The following UST variants were observed in gnomAD, a reference collection of about 807,000 sequenced individuals.
The protein encoded by UST is chondroitin sulfate 2-O-sulfotransferase.
Under a neutral mutation model 45.6 loss-of-function variants are expected in UST, and 21 were observed. The ratio of observed to expected loss-of-function variants is 0.46; its 90% CI spans 0.33 to 0.66. The LOEUF (loss-of-function observed/expected upper bound fraction) is 0.66. Ranked by LOEUF, UST falls within the 30% of genes least tolerant of loss-of-function variation. UST has a pLI of 0.02. For synonymous variants in UST, 215 were observed against 200.6 expected (o/e 1.07, Z -0.61); for missense variants, 463 against 512.4 (o/e 0.90, Z 0.93).
chr6:148,852,651 C>T (rs148802772), intron 1 of UST, among the ~76,000 whole-genome samples: 167 of 152,250 alleles, frequency 1.1e-3, no homozygotes, highest in African/African-American at 4.0e-3. Context: ...TTCACTTGGC[C>T]TGGAATGTCT....
intron 2 of UST, among the ~76,000 whole-genome samples, chr6:148,907,258 G>C (rs1389020420): frequency 6.6e-6 from 1 of 152,084 alleles, no homozygotes; most frequent in Admixed American, 6.6e-5. Flanking sequence ...GTTGTTTATT[G>C]AAAAGTACTG....
At chr6:148,813,206 T>G (rs1777291998) in intron 1 of UST, among the ~76,000 whole-genome samples, 1 of 152,168 alleles carries the variant, frequency 6.6e-6, no homozygotes, top group Admixed American at 6.5e-5. Context: ...AAAATTCCAG[T>G]AAGTGCCCTC....
chr6:148,980,943 T>G (rs1219678087), intron 5 of UST, among the ~76,000 whole-genome samples: 3 of 152,088 alleles, frequency 2.0e-5, no homozygotes, highest in Non-Finnish European at 4.4e-5. Context: ...CAGGCTGGTC[T>G]CAAACTCCTA....
intron 1 of UST, among the ~76,000 whole-genome samples, chr6:148,807,427 G>T (rs931282326): frequency 1.3e-5 from 2 of 152,156 alleles, no homozygotes; most frequent in African/African-American, 4.8e-5. Flanking sequence ...CAACCATGTG[G>T]TCATTAACAA....
chr6:148,811,648 A>G (rs950740213), intron 1 of UST, among the ~76,000 whole-genome samples: 3 of 152,164 alleles, frequency 2.0e-5, no homozygotes, highest in Admixed American at 1.3e-4. Flanking sequence ...GCTCACCCAC[A>G]TGGATAGCAG....
At chr6:148,922,188 A>G (rs543716589) in intron 2 of UST, among the ~76,000 whole-genome samples, 2 of 152,264 alleles carry the variant, frequency 1.3e-5, no homozygotes, top group African/African-American at 4.8e-5. Flanking sequence ...ACCACTGTCC[A>G]ATTCAAAGCA....
intron 4 of UST, 22 bp downstream of exon 4, chr6:148,953,973 T>C: frequency 6.4e-7 from 1 of 1,564,356 alleles, no homozygotes; most frequent in Non-Finnish European, 8.7e-7. Flanking sequence ...TCCAGTTTAA[T>C]GGTTCTTTCA....
intron 1 of UST, among the ~76,000 whole-genome samples, chr6:148,803,985 G>A (rs556216772): frequency 3.5e-4 from 53 of 152,278 alleles, no homozygotes; most frequent in African/African-American, 1.2e-3. Context: ...CACTTCGTGC[G>A]GCCAGAGAAT....
intron 2 of UST, among the ~76,000 whole-genome samples, chr6:148,919,810 G>T (rs1779666280): frequency 6.6e-6 from 1 of 152,084 alleles, no homozygotes; most frequent in African/African-American, 2.4e-5. Context: ...GACTTTCCAG[G>T]GTGTTGCCAG....
rs536808249 is a variant in UST, at chr6:148,915,359, G to C, written c.292-25920G>C. ...GTGTATGTCTTCCATGCTTAAGATT[G>C]CCTCATGTTCCAAAATGGCCCCTGG... On this transcript the variant is annotated intron_variant, in intron 2 of 7. Coordinates refer to ENST00000367463, the MANE Select transcript of UST (RefSeq NM_005715.3). 5.9e-5 allele frequency among the ~76,000 whole-genome samples: 9 copies of C among 152,188 alleles called. No homozygotes were observed. In the South Asian group the frequency reaches 1.7e-3, roughly 28 times the overall value.
chr6:148,906,477 A>G (rs1452649091), intron 2 of UST, among the ~76,000 whole-genome samples: 1 of 152,216 alleles, frequency 6.6e-6, no homozygotes, highest in Admixed American at 6.5e-5. Flanking sequence ...TGGACAAGGT[A>G]TGAGGGTTAT....
chr6:148,758,419 A>G (rs756547788), intron 1 of UST, among the ~76,000 whole-genome samples: 40 of 151,814 alleles, frequency 2.6e-4, no homozygotes, highest in Admixed American at 5.9e-4. Flanking sequence ...TTCACAAAAT[A>G]AAAATAGCTG....
chr6:148,771,262 G>A (rs1433376680), intron 1 of UST, among the ~76,000 whole-genome samples: 3 of 152,200 alleles, frequency 2.0e-5, no homozygotes, highest in African/African-American at 7.2e-5. Context: ...TCTTTATTGA[G>A]TAAGGCAGAT....
intron 1 of UST, among the ~76,000 whole-genome samples, chr6:148,783,889 C>T (rs933401888): frequency 2.4e-4 from 37 of 152,232 alleles, no homozygotes; most frequent in African/African-American, 7.2e-4. Flanking sequence ...CATCCAACCC[C>T]GCATTTTACA....
chr6:148,966,794 T>C (rs1024846954), intron 5 of UST, among the ~76,000 whole-genome samples: 2 of 152,240 alleles, frequency 1.3e-5, no homozygotes, highest in African/African-American at 4.8e-5. Flanking sequence ...TGGAGCGCAG[T>C]GGCAAGATCT....
At chr6:148,912,279 A>G (rs1051533711) in intron 2 of UST, among the ~76,000 whole-genome samples, 7 of 152,232 alleles carry the variant, frequency 4.6e-5, no homozygotes, top group African/African-American at 1.7e-4. Flanking sequence ...GAGTTCAAAT[A>G]AGCCACTGAA....
intron 1 of UST, among the ~76,000 whole-genome samples, chr6:148,865,253 T>C (rs1461305374): frequency 1.3e-5 from 2 of 152,170 alleles, no homozygotes; most frequent in African/African-American, 4.8e-5. Flanking sequence ...TTTGTGACAT[T>C]AGTGGTGGAA....
intron 1 of UST, among the ~76,000 whole-genome samples, chr6:148,802,480 A>G (rs1309940644): frequency 1.3e-5 from 2 of 152,222 alleles, no homozygotes; most frequent in East Asian, 1.9e-4. Flanking sequence ...GCATAAAAGT[A>G]TGGGTAGGAA....
chr6:148,967,560 A>G (rs1307424443), intron 5 of UST, among the ~76,000 whole-genome samples: 1 of 152,046 alleles, frequency 6.6e-6, no homozygotes, highest in East Asian at 1.9e-4. Context: ...GTCTGTCCTC[A>G]TTTTGGCAAA....
Sources: gnomAD v4.1 joint callset for allele counts (sites outside exome capture counted in the v4.1 genomes callset) on GRCh38, gnomAD v4.1.1 for gene constraint, MANE v1.5 for transcripts, NCBI Gene and HGNC (gene_info 2026-07-23, HGNC 2026-07-21) for gene names.